HHAT: variants seen among roughly 807,000 people sequenced by gnomAD.
HHAT encodes protein-cysteine N-palmitoyltransferase HHAT.
A neutral mutation model predicts 70.8 loss-of-function variants in HHAT; 47 were observed. The ratio of observed to expected loss-of-function variants is 0.66; its 90% CI spans 0.53 to 0.85. The LOEUF (loss-of-function observed/expected upper bound fraction) is 0.85. Among genes scored for constraint, HHAT ranks in the 40% least tolerant of loss-of-function variants. The pLI, the probability that HHAT is intolerant of heterozygous loss-of-function variation, is 0.00. For missense variants in HHAT, 609 were observed against 604.8 expected (o/e 1.01, Z -0.07); for synonymous variants, 228 against 247.6 (o/e 0.92, Z 0.74).
intron 7 of HHAT, among the ~76,000 whole-genome samples, chr1:210,450,294 T>TCG (rs1553374402): frequency 2.8e-5 from 4 of 144,600 alleles, no homozygotes; most frequent in Non-Finnish European, 6.0e-5. Context: ...GCGTCTCAGG[T>TCG]GGGGGGGGTG....
At chr1:210,570,868 C>T (rs1012780551) in intron 9 of HHAT, among the ~76,000 whole-genome samples, 2 of 152,106 alleles carry the variant, frequency 1.3e-5, no homozygotes, top group Non-Finnish European at 2.9e-5. Context: ...TGAAGAGTAG[C>T]TTGGTTGCCC....
At chr1:210,429,784 AG>A (rs1049694872) in intron 7 of HHAT, among the ~76,000 whole-genome samples, 4 of 151,826 alleles carry the variant, frequency 2.6e-5, no homozygotes, top group African/African-American at 9.7e-5. Flanking sequence ...GCAACATGTG[AG>A]GTGTTAATTC....
intron 6 of HHAT, among the ~76,000 whole-genome samples, chr1:210,406,390 C>A (rs1194170364): frequency 1.4e-5 from 2 of 140,048 alleles, no homozygotes; most frequent in Non-Finnish European, 3.0e-5. Context: ...TTTCTCATCT[C>A]CTTTTTCTTC....
intron 1 of HHAT, among the ~76,000 whole-genome samples, chr1:210,344,303 C>T (rs1400525191): frequency 6.7e-6 from 1 of 149,484 alleles, no homozygotes; most frequent in East Asian, 2.0e-4. Flanking sequence ...TTATTGTTTC[C>T]TTATACCACT....
At chr1:210,528,115 GTGA>G (rs1389334262) in intron 9 of HHAT, among the ~76,000 whole-genome samples, 1 of 152,130 alleles carries the variant, frequency 6.6e-6, no homozygotes, top group Non-Finnish European at 1.5e-5. Flanking sequence ...TGTTCATCAG[GTGA>G]TCATATGCAT....
At chr1:210,622,587 G>A (rs113370428) in intron 10 of HHAT, among the ~76,000 whole-genome samples, 2 of 152,288 alleles carry the variant, frequency 1.3e-5, no homozygotes, top group African/African-American at 4.8e-5. Flanking sequence ...ATTCTTTATT[G>A]TGATGCTGTA....
intron 8 of HHAT, among the ~76,000 whole-genome samples, chr1:210,512,354 T>G (rs1052450532): frequency 6.1e-5 from 9 of 147,136 alleles, no homozygotes; most frequent in African/African-American, 2.2e-4. Flanking sequence ...CCTGCTTCCC[T>G]TTGGCTAGTG....
chr1:210,330,881 C>CGATACTG (rs1301230852), intron 1 of HHAT, among the ~76,000 whole-genome samples: 6 of 152,168 alleles, frequency 3.9e-5, no homozygotes, highest in African/African-American at 1.4e-4. Flanking sequence ...TGCAGTGGCA[C>CGATACTG]GATACTGGCT....
chr1:210,365,309 GTTTTTTTTT>G (rs4027290), intron 3 of HHAT, among the ~76,000 whole-genome samples: 8 of 78,408 alleles, frequency 1.0e-4, no homozygotes, highest in African/African-American at 3.1e-4. Context: ...ACTGCTGACA[GTTTTTTTTT>G]TTTTTTTTTT....
chr1:210,419,928 A>G (rs2092843325), intron 7 of HHAT, among the ~76,000 whole-genome samples: 2 of 152,230 alleles, frequency 1.3e-5, no homozygotes, highest in South Asian at 2.1e-4. Context: ...GACACAACTC[A>G]AAATGGGGCT....
In HHAT at chr1:210,674,541, A is replaced by T. The variant is rs1245508198; in HGVS notation, c.*162A>T. The T allele has an allele frequency of 3.4e-6, 2 of 591,520 alleles. No individual in the cohort carries two copies. Among genetic ancestry groups the T allele is most frequent in the South Asian group, 2.1e-5 (1 of 46,606 alleles). The allele number at this position is 591,520 out of a possible 1,614,324, so 36.6% of individuals were successfully genotyped here. ...ATGCTGGATCTCATAGAAAATTCAC[A>T]GCCAGACAATCTTCTAATCTGGAGT... On this transcript the variant is annotated 3_prime_UTR_variant, in exon 12 of 12. Transcript: ENST00000261458.
At chr1:210,538,020 T>C (rs2095391463) in intron 9 of HHAT, among the ~76,000 whole-genome samples, 2 of 152,156 alleles carry the variant, frequency 1.3e-5, no homozygotes, top group Admixed American at 1.3e-4. Context: ...GTGATGAAAG[T>C]ATCTTTTTGT....
intron 7 of HHAT, among the ~76,000 whole-genome samples, chr1:210,436,816 C>T (rs2093387995): frequency 6.6e-6 from 1 of 151,828 alleles, no homozygotes; most frequent in African/African-American, 2.4e-5. Flanking sequence ...AGGGTTAGGC[C>T]TCTCAGCTTG....
At chr1:210,462,759 C>T (rs2094005604) in intron 7 of HHAT, 1 of 152,900 alleles carries the variant, frequency 6.5e-6, no homozygotes, top group Non-Finnish European at 1.5e-5. Context: ...ACTGTATATT[C>T]AGAAAGTGGC....
intron 6 of HHAT, among the ~76,000 whole-genome samples, chr1:210,408,345 G>A (rs1412519372): frequency 6.6e-6 from 1 of 152,126 alleles, no homozygotes; most frequent in African/African-American, 2.4e-5. Context: ...AACGCACCCA[G>A]CTGATTTTTG....
At chr1:210,532,818 A>G (rs1245243372) in intron 9 of HHAT, among the ~76,000 whole-genome samples, 1 of 152,206 alleles carries the variant, frequency 6.6e-6, no homozygotes, top group Non-Finnish European at 1.5e-5. Context: ...ACCAGTTAGA[A>G]ATGCCAGAGC....
At chr1:210,374,239 A>T (rs1281339229) in intron 3 of HHAT, 1 of 149,268 alleles carries the variant, frequency 6.7e-6, no homozygotes, top group East Asian at 1.9e-4. Context: ...AAGGCGAAAG[A>T]TTTATTCGAT....
chr1:210,510,834 T>A (rs182559531), intron 8 of HHAT, among the ~76,000 whole-genome samples: 2 of 152,332 alleles, frequency 1.3e-5, no homozygotes, highest in East Asian at 3.9e-4. Flanking sequence ...TTCAGTGCCT[T>A]CCTCTGACCC....
chr1:210,386,119 A>G (rs2148135015), intron 3 of HHAT, among the ~76,000 whole-genome samples: 1 of 152,240 alleles, frequency 6.6e-6, no homozygotes, highest in East Asian at 1.9e-4. Context: ...GGTACACCAA[A>G]AAAATCACAC....
Sources: gnomAD v4.1 joint callset for allele counts (sites outside exome capture counted in the v4.1 genomes callset) on GRCh38, gnomAD v4.1.1 for gene constraint, MANE v1.5 for transcripts, NCBI Gene and HGNC (gene_info 2026-07-23, HGNC 2026-07-21) for gene names.